Variants in PTPN18 observed in about 807,000 individuals in gnomAD.
The protein encoded by PTPN18 is tyrosine-protein phosphatase non-receptor type 18.
PTPN18 carries 65 observed loss-of-function variants against 65.4 expected under a neutral mutation model. The observed-to-expected ratio is 0.99, with a 90% CI of 0.81 to 1.22. The LOEUF is 1.22. PTPN18 is among the 50% of genes most tolerant of loss of function. The pLI, the probability that PTPN18 is intolerant of heterozygous loss-of-function variation, is 0.00. For missense variants in PTPN18, 616 were observed against 646.5 expected (o/e 0.95, Z 0.51); for synonymous variants, 255 against 267.8 (o/e 0.95, Z 0.47).
In PTPN18 at chr2:130,370,757, AGCGGCCT is replaced by A; in HGVS notation, c.816_822del (p.Ala273CysfsTer118). 6.2e-7 allele frequency: 1 copy of A among 1,614,218 alleles called. No individual in the cohort carries two copies. Among genetic ancestry groups the A allele is most frequent in the Non-Finnish European group, 8.5e-7 (1 of 1,180,024 alleles). On this transcript the variant is annotated frameshift_variant, in exon 10 of 15. Coordinates refer to ENST00000175756, the MANE Select transcript of PTPN18 (RefSeq NM_014369.4). LOFTEE classifies it high-confidence loss of function. ...GATGTGGTCCTTAAGATGAGGAAGC[AGCGGCCT>A]GCGGCCGTGCAGACAGAGGTGAACC... is the stretch of plus-strand genomic sequence containing the variant.
Position 130,358,770 on chromosome 2 carries a change from C to T in PTPN18, c.94-97C>T. The T allele has an allele frequency of 8.3e-6, 8 of 958,884 alleles. No homozygotes were observed. The South Asian group carries it at 1.2e-4, about 14-fold the overall frequency. The allele number at this position is 958,884 out of a possible 1,614,324, so 59.4% of individuals were successfully genotyped here. Reference sequence around the variant, plus strand: ...TGCACTCACCTCCCCAGGCCACTGGCTTTGTATCCTGCAAGCGTGCCTAGG... The same window carrying T: ...TGCACTCACCTCCCCAGGCCACTGGTTTTGTATCCTGCAAGCGTGCCTAGG... On this transcript the variant is annotated intron_variant, in intron 1 of 14. Coordinates refer to ENST00000175756, the MANE Select transcript of PTPN18 (RefSeq NM_014369.4).
chr2:130,356,721 C>T (rs945058883), intron 1 of PTPN18: 9 of 435,376 alleles, frequency 2.1e-5, no homozygotes, highest in African/African-American at 8.1e-5. Context: ...ATCCGCGTCC[C>T]GGCCATCCGC....
Sources: gnomAD v4.1 joint callset for allele counts on GRCh38, gnomAD v4.1.1 for gene constraint, MANE v1.5 for transcripts, NCBI Gene and HGNC (gene_info 2026-07-23, HGNC 2026-07-21) for gene names.